Variants in VWF observed in about 807,000 individuals in gnomAD.
VWF encodes Factor VIII related antigen.
VWF carries 176 observed loss-of-function variants against 308.6 expected under a neutral mutation model. The observed-to-expected ratio is 0.57, with a 90% CI of 0.50 to 0.65. The LOEUF is 0.65. Ranked by LOEUF, VWF falls within the 30% of genes least tolerant of loss-of-function variation. The probability of loss-of-function intolerance (pLI) is 0.00; values close to 1 mark genes in which losing one functional copy is unlikely to be tolerated. For synonymous variants in VWF, 1,385 were observed against 1,443.4 expected (o/e 0.96, Z 0.92); for missense variants, 3,146 against 3,648.2 (o/e 0.86, Z 3.55).
chr12:6,101,663 T>C (rs533638232), intron 5 of VWF, among the ~76,000 whole-genome samples: 82 of 151,618 alleles, frequency 5.4e-4, no homozygotes, highest in South Asian at 1.3e-3. Context: ...GTAGTCCCAG[T>C]TATTCAGGAG....
At chr12:5,964,300 A>ATACATACATACATGCATACATAC (rs1267334614) in intron 47 of VWF, among the ~76,000 whole-genome samples, 1 of 151,988 alleles carries the variant, frequency 6.6e-6, no homozygotes, top group African/African-American at 2.4e-5. Context: ...ACATACATAC[A>ATACATACATACATGCATACATAC]AAAAGCTACC....
At chr12:5,955,104 C>T (rs927817024) in intron 47 of VWF, among the ~76,000 whole-genome samples, 1 of 150,528 alleles carries the variant, frequency 6.6e-6, no homozygotes. Context: ...GTCTAATACA[C>T]AGTAAAAAAA....
chr12:6,013,431 AT>A (rs1201950313), intron 32 of VWF, 49 bp downstream of exon 32: 1 of 1,606,792 alleles, frequency 6.2e-7, no homozygotes, highest in African/African-American at 1.4e-5. Flanking sequence ...TGGCGGGTTT[AT>A]TTTGGAACTT....
intron 21 of VWF, among the ~76,000 whole-genome samples, chr12:6,030,261 T>C (rs569430704): frequency 6.6e-6 from 1 of 152,326 alleles, no homozygotes; most frequent in African/African-American, 2.4e-5. Flanking sequence ...CACCTCCTGT[T>C]CAGCATCATC....
chr12:6,027,863 CA>C (rs1944212725), intron 22 of VWF, among the ~76,000 whole-genome samples: 1 of 151,792 alleles, frequency 6.6e-6, no homozygotes, highest in Non-Finnish European at 1.5e-5. Context: ...CACACACACA[CA>C]CACACACACA....
chr12:6,110,045 G>A (rs765987870), intron 5 of VWF, among the ~76,000 whole-genome samples: 1 of 152,154 alleles, frequency 6.6e-6, no homozygotes, highest in Non-Finnish European at 1.5e-5. Flanking sequence ...GTGGAGGACC[G>A]ACCACTCCAT....
intron 6 of VWF, among the ~76,000 whole-genome samples, chr12:6,083,435 C>T (rs892974402): frequency 2.6e-5 from 4 of 152,126 alleles, no homozygotes; most frequent in Admixed American, 6.5e-5. Flanking sequence ...CGTGGTGGCA[C>T]GTGCCTGTAG....
chr12:6,075,271 G>A lies in VWF; in HGVS notation c.874+64C>T, dbSNP rs2136474135. 7 of 1,605,270 alleles carry A rather than the reference G, an allele frequency of 4.4e-6. No homozygotes were observed. In the Admixed American group the frequency reaches 6.7e-5, roughly 15 times the overall value. Reference sequence around the variant, plus strand: ...TGACACAGCCCCGAAGCACCCTAAGGGACACCACCCAGGACAGACCGTTCA... The same window carrying A: ...TGACACAGCCCCGAAGCACCCTAAGAGACACCACCCAGGACAGACCGTTCA... On this transcript the variant is annotated intron_variant, in intron 7 of 51. Coordinates refer to ENST00000261405, the MANE Select transcript of VWF (RefSeq NM_000552.5). The surrounding 1 kb of genome is among the most constrained non-coding windows in gnomAD (Gnocchi z 4.7).
Position 6,019,504 on chromosome 12 carries a change from T to G in VWF, c.3914A>C (p.Glu1305Ala), listed in dbSNP as rs1265932750. 6.2e-7 allele frequency: 1 copy of G among 1,613,930 alleles called. No individual in the cohort carries two copies. Among genetic ancestry groups the G allele is most frequent in the Admixed American group, 1.7e-5 (1 of 60,024 alleles). ...VLKAFVVDMM[E>A]RLRISQKWVR... The stretch of plus-strand genomic sequence containing the variant: ...CCACTTCTGGGAGATGCGCAGCCGC[T>G]CCATCATGTCCACCACAAAGGCCTT... Residue 1305 changes from glutamate to alanine, a missense_variant, in exon 28 of 52, where the codon GAG becomes GCG. Around this residue, in one of 3 missense-constraint regions of VWF, gnomAD observed 853 missense variants for 1,177.8 expected, o/e 0.72. Coordinates refer to ENST00000261405, the MANE Select transcript of VWF (RefSeq NM_000552.5). This position sits in a 1 kb window ranked among gnomAD's most constrained non-coding sequence, Gnocchi z 5.8.
At chr12:6,051,805 C>T (rs1465710395) in intron 16 of VWF, among the ~76,000 whole-genome samples, 1 of 152,010 alleles carries the variant, frequency 6.6e-6, no homozygotes, top group East Asian at 1.9e-4. Context: ...AGGGACAGGG[C>T]CTCACTATGT....
intron 10 of VWF, 68 bp from the exon 11 acceptor site, chr12:6,065,341 G>A: frequency 6.3e-7 from 1 of 1,595,952 alleles, no homozygotes. Context: ...GGCCAAGGTG[G>A]AATGCATATG....
intron 33 of VWF, 103 bp from the exon 34 acceptor site, chr12:6,011,897 C>T: frequency 7.3e-7 from 1 of 1,370,338 alleles, no homozygotes; most frequent in Non-Finnish European, 1.0e-6. Context: ...CACAGGCCTA[C>T]ACAGCAAGGA....
rs187726168 is a variant in VWF, at chr12:5,965,276, T to C, written c.7887+2210A>G. Among the ~76,000 whole-genome samples, 210 of 152,274 alleles carry C rather than the reference T, an allele frequency of 1.4e-3. 1 individual carries two copies. The highest frequency in any genetic ancestry group is 3.2e-4 in the Non-Finnish European group (22 of 68,002). On this transcript the variant is annotated intron_variant, in intron 47 of 51. Coordinates refer to ENST00000261405, the MANE Select transcript of VWF (RefSeq NM_000552.5). ...TGCTTTCCTCACACAGTTGTCCTCCTAAAACTGCCTTGCACACCCCTCAGG... is the reference window on the plus strand; with the variant it reads ...TGCTTTCCTCACACAGTTGTCCTCCCAAAACTGCCTTGCACACCCCTCAGG...
chr12:6,044,104 C>T (rs1944420121), intron 18 of VWF, among the ~76,000 whole-genome samples, 187 bp downstream of exon 18: 1 of 149,234 alleles, frequency 6.7e-6, no homozygotes, highest in Non-Finnish European at 1.5e-5. Context: ...ACAACTCCCT[C>T]CCTGACTTTG....
intron 5 of VWF, chr12:6,095,926 C>A: frequency 2.8e-6 from 1 of 360,870 alleles, no homozygotes; most frequent in Non-Finnish European, 5.4e-6. Context: ...CCCCCATCAG[C>A]CTCCCCAGTA....
intron 42 of VWF, among the ~76,000 whole-genome samples, chr12:5,976,975 A>G (rs1463934866): frequency 6.6e-6 from 1 of 152,236 alleles, no homozygotes; most frequent in Non-Finnish European, 1.5e-5. Flanking sequence ...ATTAATCCCA[A>G]GTATGCCCTC....
intron 13 of VWF, among the ~76,000 whole-genome samples, chr12:6,061,743 G>A (rs1262534154): frequency 6.6e-6 from 1 of 152,216 alleles, no homozygotes; most frequent in African/African-American, 2.4e-5. Context: ...GACTTTCAAG[G>A]GGTCTGCGAG....
At position 6,067,557 on chromosome 12, in the gene VWF, C is replaced by T. The variant is rs575245457; in HGVS notation, c.1157-2284G>A. On this transcript the variant is annotated intron_variant, in intron 10 of 51. Transcript: ENST00000261405. ...AAGTCTAAATATTATATGAGCTTAT[C>T]TCCTCGGTACAACTGAGCAACAGAG... is the stretch of plus-strand genomic sequence containing the variant. Among the ~76,000 whole-genome samples the T allele has an allele frequency of 1.1e-4, 16 of 152,290 alleles. 1 individual carries two copies. In the South Asian group the frequency reaches 3.3e-3, roughly 32 times the overall value.
intron 9 of VWF, 73 bp from the exon 10 acceptor site, chr12:6,071,416 A>G: frequency 6.5e-7 from 1 of 1,546,378 alleles, no homozygotes; most frequent in Non-Finnish European, 8.9e-7. Flanking sequence ...TTTAGAGCTC[A>G]TGGTAGTTAT....
Sources: allele counts gnomAD v4.1 joint callset (sites outside exome capture counted in the v4.1 genomes callset), GRCh38; gene constraint gnomAD v4.1.1; regional missense constraint gnomAD v4.1.1; non-coding constraint Gnocchi (gnomAD v3.1); transcripts MANE v1.5; gene names NCBI Gene and HGNC (gene_info 2026-07-23, HGNC 2026-07-21).